Variants in EFNA5 observed in about 807,000 individuals in gnomAD.
EFNA5 encodes ephrin A5.
In EFNA5, 5 loss-of-function variants were observed where a neutral mutation model predicts 22.9. The ratio of observed to expected loss-of-function variants is 0.22; its 90% CI spans 0.11 to 0.46. EFNA5 has a LOEUF of 0.46. EFNA5 is among the 20% of genes least tolerant of loss of function. The pLI, the probability that EFNA5 is intolerant of heterozygous loss-of-function variation, is 0.99. For missense variants in EFNA5, 237 were observed against 293.3 expected, an observed-to-expected ratio of 0.81 and a Z score of 1.40; for synonymous variants, 113 against 112.2, an observed-to-expected ratio of 1.01 and a Z score of -0.04.
At position 107,668,879 on chromosome 5, in the gene EFNA5, T is replaced by C. The variant is rs933922633; in HGVS notation, c.125+1610A>G. 4.6e-5 allele frequency among the ~76,000 whole-genome samples: 7 copies of C among 152,300 alleles called. No individual in the cohort carries two copies. In the East Asian group the frequency reaches 7.7e-4, roughly 17 times the overall value. On this transcript the variant is annotated intron_variant, in intron 1 of 4. Transcript: ENST00000333274. The stretch of plus-strand genomic sequence containing the variant: ...ATGGCTTCTTTTTCTCTTTTCCTAA[T>C]AGTGGTAAGTGGCATGTCAAAGAAG...
intron 1 of EFNA5, among the ~76,000 whole-genome samples, chr5:107,612,418 T>C (rs1050624466): frequency 6.6e-6 from 1 of 152,084 alleles, no homozygotes; most frequent in East Asian, 1.9e-4. Context: ...GGAAAGCCTA[T>C]TTGTTGCTAG....
chr5:107,656,977 T>C (rs1750838647), intron 1 of EFNA5, among the ~76,000 whole-genome samples: 1 of 152,066 alleles, frequency 6.6e-6, no homozygotes, highest in Non-Finnish European at 1.5e-5. Flanking sequence ...TGATCTGTAA[T>C]AGTTGCTACT....
At chr5:107,638,912 T>C (rs753642416) in intron 1 of EFNA5, among the ~76,000 whole-genome samples, 2 of 152,194 alleles carry the variant, frequency 1.3e-5, no homozygotes, top group Admixed American at 6.5e-5. Flanking sequence ...TTCTACAATG[T>C]ATACATACAT....
At chr5:107,557,361 A>G (rs1167228427) in intron 1 of EFNA5, among the ~76,000 whole-genome samples, 1 of 149,372 alleles carries the variant, frequency 6.7e-6, no homozygotes, top group African/African-American at 2.5e-5. Flanking sequence ...TTGTTAAATG[A>G]GAAGGGGCGA....
At chr5:107,507,308 T>C (rs1747272534) in intron 1 of EFNA5, among the ~76,000 whole-genome samples, 1 of 152,204 alleles carries the variant, frequency 6.6e-6, no homozygotes, top group South Asian at 2.1e-4. Context: ...CTAACTATGG[T>C]TGACTGCTTT....
intron 2 of EFNA5, among the ~76,000 whole-genome samples, chr5:107,396,868 T>TGC (rs1747940668): frequency 1.3e-5 from 2 of 152,086 alleles, no homozygotes; most frequent in African/African-American, 4.8e-5. Flanking sequence ...GCAGTGAGCA[T>TGC]GCTATTAGGC....
chr5:107,554,360 A>T (rs976362323), intron 1 of EFNA5, among the ~76,000 whole-genome samples: 3 of 152,218 alleles, frequency 2.0e-5, no homozygotes, highest in African/African-American at 7.2e-5. Flanking sequence ...CACCTTTTCT[A>T]GAATCCTCCC....
At chr5:107,447,919 C>G (rs979829824) in intron 1 of EFNA5, among the ~76,000 whole-genome samples, 1 of 151,942 alleles carries the variant, frequency 6.6e-6, no homozygotes, top group Non-Finnish European at 1.5e-5. Context: ...ACAATCTCAG[C>G]TCACTGCAAC....
chr5:107,381,360 C>T lies in EFNA5; in HGVS notation c.582G>A (p.Glu194=), dbSNP rs1404467892. 6.2e-7 allele frequency: 1 copy of T among 1,613,626 alleles called. No homozygotes were observed. Among genetic ancestry groups the T allele is most frequent in the Admixed American group, 1.7e-5 (1 of 60,014 alleles). Residue 194 remains glutamate, a synonymous_variant, in exon 5 of 5, where the codon GAG becomes GAA. Coordinates refer to ENST00000333274, the MANE Select transcript of EFNA5 (RefSeq NM_001962.3). ...TCTCGCCGCGGGATGGCTCGGCTGA[C>T]TCATGTACGGTGTCATCTGTTCAAA... ...SLEPADDTVH[E]SAEPSRGENA...
chr5:107,611,707 T>A (rs1317394525), intron 1 of EFNA5, among the ~76,000 whole-genome samples: 1 of 152,180 alleles, frequency 6.6e-6, no homozygotes, highest in African/African-American at 2.4e-5. Context: ...GCTACTATAG[T>A]CACAGTGATC....
intron 1 of EFNA5, among the ~76,000 whole-genome samples, chr5:107,479,257 G>T (rs988640017): frequency 1.9e-5 from 1 of 52,408 alleles, no homozygotes. Flanking sequence ...AATAATTAAT[G>T]AAACACTTCT....
At chr5:107,548,219 T>C (rs538924343) in intron 1 of EFNA5, among the ~76,000 whole-genome samples, 3 of 152,288 alleles carry the variant, frequency 2.0e-5, no homozygotes, top group South Asian at 2.1e-4. Flanking sequence ...ATTATTTCAG[T>C]TGAGGTGGAG....
chr5:107,630,066 A>AG (rs1158155653), intron 1 of EFNA5, among the ~76,000 whole-genome samples: 1 of 152,122 alleles, frequency 6.6e-6, no homozygotes, highest in East Asian at 1.9e-4. Flanking sequence ...AAAAAAAAAA[A>AG]AAGAAAAAAA....
At chr5:107,422,566 T>A (rs1180861318) in intron 2 of EFNA5, among the ~76,000 whole-genome samples, 1 of 152,112 alleles carries the variant, frequency 6.6e-6, no homozygotes, top group Non-Finnish European at 1.5e-5. Context: ...GAAGCCCAGG[T>A]AGAGGGACAA....
At chr5:107,569,585 A>ATATATATATTTATATATATATT (rs1561436022) in intron 1 of EFNA5, among the ~76,000 whole-genome samples, 55 of 38,504 alleles carry the variant, frequency 1.4e-3, no homozygotes, top group African/African-American at 2.8e-3. Flanking sequence ...ATATATATAT[A>ATATATATATTTATATATATATT]TATATATATA....
intron 1 of EFNA5, among the ~76,000 whole-genome samples, chr5:107,647,955 G>A (rs1303506532): frequency 6.6e-6 from 1 of 152,142 alleles, no homozygotes; most frequent in African/African-American, 2.4e-5. Context: ...AAAGCAAGAA[G>A]GGCATTAAAC....
At chr5:107,618,081 A>C (rs1472726049) in intron 1 of EFNA5, among the ~76,000 whole-genome samples, 1 of 152,184 alleles carries the variant, frequency 6.6e-6, no homozygotes, top group Non-Finnish European at 1.5e-5. Context: ...TTCATTATGC[A>C]AAGATTTTCT....
At chr5:107,407,710 C>G (rs1427543086) in intron 2 of EFNA5, among the ~76,000 whole-genome samples, 4 of 152,240 alleles carry the variant, frequency 2.6e-5, no homozygotes, top group South Asian at 2.1e-4. Context: ...TTTAGTTGAA[C>G]TTTTTATTTG....
rs566221871 is a variant in EFNA5, at chr5:107,633,084, G to T, written c.125+37405C>A. 1.8e-3 allele frequency among the ~76,000 whole-genome samples: 280 copies of T among 152,122 alleles called. 2 individuals are homozygous for T. The highest frequency in any genetic ancestry group is 2.9e-3 in the Non-Finnish European group (197 of 67,996). On this transcript the variant is annotated intron_variant, in intron 1 of 4. Coordinates refer to ENST00000333274, the MANE Select transcript of EFNA5 (RefSeq NM_001962.3). ...GATATAACAAGAGGGAAGTCCTTCAGTAGTCTAAATTGAGGTCATTTTTTA... is the reference window on the plus strand; with the variant it reads ...GATATAACAAGAGGGAAGTCCTTCATTAGTCTAAATTGAGGTCATTTTTTA...
Sources: gnomAD v4.1 joint callset for allele counts (sites outside exome capture counted in the v4.1 genomes callset) on GRCh38, gnomAD v4.1.1 for gene constraint, MANE v1.5 for transcripts, NCBI Gene and HGNC (gene_info 2026-07-23, HGNC 2026-07-21) for gene names.